CNTNAP5: variants seen among roughly 807,000 people sequenced by gnomAD.
CNTNAP5 encodes the protein contactin associated protein family member 5.
CNTNAP5 carries 72 observed loss-of-function variants against 150.2 expected under a neutral mutation model. The observed-to-expected ratio is 0.48, with a 90% CI of 0.40 to 0.58. The LOEUF (loss-of-function observed/expected upper bound fraction) is 0.58. Among genes scored for constraint, CNTNAP5 ranks in the 20% least tolerant of loss-of-function variants. CNTNAP5 has a pLI of 0.00. For synonymous variants in CNTNAP5, 672 were observed against 619.8 expected (o/e 1.08, Z -1.25); for missense variants, 1,636 against 1,626.2 (o/e 1.01, Z -0.10).
chr2:124,510,281 A>ATATATATATATCTATATATC (rs1436160159), intron 8 of CNTNAP5, among the ~76,000 whole-genome samples: 1 of 10,974 alleles, frequency 9.1e-5, no homozygotes, highest in Non-Finnish European at 2.4e-4. Flanking sequence ...ATCTATATCT[A>ATATATATATATCTATATATC]TATCTATATA....
In CNTNAP5 at chr2:124,474,848, T is replaced by C; in HGVS notation, c.1028T>C (p.Leu343Pro). 6.2e-7 allele frequency: 1 copy of C among 1,606,522 alleles called. No individual in the cohort carries two copies. Among genetic ancestry groups the C allele is most frequent in the Non-Finnish European group, 8.5e-7 (1 of 1,177,666 alleles). Residue 343 changes from leucine (L) to proline (P), a missense_variant, in exon 7 of 24, where the codon CTG (leucine) becomes CCG (proline). By Grantham distance (98) the Leu-to-Pro change is moderately conservative. Coordinates refer to ENST00000682447, the MANE Select transcript of CNTNAP5 (RefSeq NM_001367498.1). ...TACAATGGAGTAAACATAATTGACC[T>C]GGCTAAGAGACGAAAGCATCAGATC... is the stretch of plus-strand genomic sequence containing the variant. ...LYYNGVNIID[L>P]AKRRKHQIYT...
chr2:124,323,164 C>T (rs1172744599), intron 3 of CNTNAP5, among the ~76,000 whole-genome samples: 2 of 152,050 alleles, frequency 1.3e-5, no homozygotes, highest in Non-Finnish European at 2.9e-5. Context: ...TACAGGAGAC[C>T]CATGTGTGCC....
intron 2 of CNTNAP5, among the ~76,000 whole-genome samples, chr2:124,228,453 A>G (rs1686524194): frequency 6.6e-6 from 1 of 152,134 alleles, no homozygotes; most frequent in African/African-American, 2.4e-5. Flanking sequence ...CCTAATAGAA[A>G]CCATCACAAT....
intron 5 of CNTNAP5, among the ~76,000 whole-genome samples, chr2:124,440,200 A>G (rs1692639194): frequency 6.6e-6 from 1 of 152,176 alleles, no homozygotes; most frequent in South Asian, 2.1e-4. Flanking sequence ...TAAGAAATAC[A>G]AGTGAATATC....
chr2:124,096,682 ATCT>A (rs1032128964), intron 1 of CNTNAP5, among the ~76,000 whole-genome samples: 46 of 151,768 alleles, frequency 3.0e-4, no homozygotes, highest in African/African-American at 1.1e-3. Context: ...GAGAAGCCAA[ATCT>A]TCTTTTATTA....
chr2:124,808,486 G>A (rs1682129468), intron 19 of CNTNAP5, among the ~76,000 whole-genome samples: 1 of 151,732 alleles, frequency 6.6e-6, no homozygotes, highest in Non-Finnish European at 1.5e-5. Flanking sequence ...TACTCAGAAG[G>A]CTGAGGCAGA....
chr2:124,883,070 C>CTTT (rs61340026), intron 21 of CNTNAP5, among the ~76,000 whole-genome samples: 1 of 142,092 alleles, frequency 7.0e-6, no homozygotes, highest in African/African-American at 2.6e-5. Flanking sequence ...CATCCATTCT[C>CTTT]TTTTTTTTTT....
chr2:124,247,397 G>A (rs1441635453), intron 3 of CNTNAP5, among the ~76,000 whole-genome samples: 1 of 152,110 alleles, frequency 6.6e-6, no homozygotes, highest in African/African-American at 2.4e-5. Flanking sequence ...TCAATGGCAT[G>A]CAACACAGTA....
At chr2:124,364,159 C>T (rs1690301521) in intron 3 of CNTNAP5, among the ~76,000 whole-genome samples, 1 of 152,178 alleles carries the variant, frequency 6.6e-6, no homozygotes, top group South Asian at 2.1e-4. Context: ...AGACCTCACA[C>T]TTCTCCTTTC....
At chr2:124,177,040 G>T (rs1243697916) in intron 1 of CNTNAP5, among the ~76,000 whole-genome samples, 1 of 151,696 alleles carries the variant, frequency 6.6e-6, no homozygotes. Flanking sequence ...TAGAGATGAG[G>T]TTTCACCATT....
At chr2:124,055,329 C>G (rs1681816801) in intron 1 of CNTNAP5, among the ~76,000 whole-genome samples, 3 of 152,160 alleles carry the variant, frequency 2.0e-5, no homozygotes, top group African/African-American at 7.2e-5. Context: ...TCCAACATTC[C>G]CTGGAAGGAT....
chr2:124,405,443 C>A (rs1489292174), intron 3 of CNTNAP5, among the ~76,000 whole-genome samples: 1 of 152,072 alleles, frequency 6.6e-6, no homozygotes, highest in Non-Finnish European at 1.5e-5. Flanking sequence ...TTGCAGAAAC[C>A]GGACTCCACT....
At chr2:124,844,682 G>A (rs971255609) in intron 19 of CNTNAP5, among the ~76,000 whole-genome samples, 15 of 152,026 alleles carry the variant, frequency 9.9e-5, no homozygotes, top group African/African-American at 3.4e-4. Flanking sequence ...TCTTTCAGCA[G>A]TGTTTTGTAG....
intron 1 of CNTNAP5, among the ~76,000 whole-genome samples, chr2:124,058,995 A>G (rs576838854): frequency 1.3e-5 from 2 of 152,288 alleles, no homozygotes; most frequent in East Asian, 3.9e-4. Flanking sequence ...ATTATTTTTT[A>G]TCTCACAGGG....
chr2:124,510,606 A>C (rs1310994817), intron 8 of CNTNAP5, among the ~76,000 whole-genome samples: 2 of 149,830 alleles, frequency 1.3e-5, no homozygotes, highest in African/African-American at 4.9e-5. Flanking sequence ...TTTGGTGCTC[A>C]GTACTGATTC....
chr2:124,862,690 C>T (rs1365601010), intron 19 of CNTNAP5, among the ~76,000 whole-genome samples: 1 of 152,164 alleles, frequency 6.6e-6, no homozygotes, highest in African/African-American at 2.4e-5. Context: ...AGAAGACGCT[C>T]AGGGAGGTGA....
At chr2:124,234,299 C>T (rs1019862004) in intron 2 of CNTNAP5, among the ~76,000 whole-genome samples, 5 of 152,120 alleles carry the variant, frequency 3.3e-5, no homozygotes, top group African/African-American at 1.2e-4. Context: ...TGAGCCTCTA[C>T]TCATTTTATA....
At chr2:124,046,772 G>T (rs1293249397) in intron 1 of CNTNAP5, among the ~76,000 whole-genome samples, 2 of 152,108 alleles carry the variant, frequency 1.3e-5, no homozygotes, top group South Asian at 4.1e-4. Flanking sequence ...ATTAAAAAAT[G>T]GTTTCATAAT....
At chr2:124,887,238 G>T (rs1678099505) in intron 21 of CNTNAP5, among the ~76,000 whole-genome samples, 1 of 151,984 alleles carries the variant, frequency 6.6e-6, no homozygotes, top group Non-Finnish European at 1.5e-5. Context: ...GGAACATTTT[G>T]TTGTCAATAT....
Sources: allele counts gnomAD v4.1 joint callset (sites outside exome capture counted in the v4.1 genomes callset), GRCh38; gene constraint gnomAD v4.1.1; transcripts MANE v1.5; gene names NCBI Gene and HGNC (gene_info 2026-07-23, HGNC 2026-07-21).